Variants in TMCC1 observed in about 807,000 individuals in gnomAD.
TMCC1 encodes transmembrane and coiled-coil domains protein 1.
In TMCC1, 15 loss-of-function variants were observed where a neutral mutation model predicts 52.4. That is an observed-to-expected ratio of 0.29 (90% CI 0.19 to 0.44). The LOEUF is 0.44. TMCC1 is among the 20% of genes least tolerant of loss of function. TMCC1 has a pLI of 1.00. For synonymous variants in TMCC1, 279 were observed against 301.9 expected, an observed-to-expected ratio of 0.92 and a Z score of 0.79; for missense variants, 503 against 806.0, an observed-to-expected ratio of 0.62 and a Z score of 4.55.
chr3:129,723,360 CTTTTTTT>C (rs62761061), intron 4 of TMCC1, among the ~76,000 whole-genome samples: 25 of 105,628 alleles, frequency 2.4e-4, no homozygotes, highest in African/African-American at 4.3e-4. Flanking sequence ...AAATCTTTTT[CTTTTTTT>C]TTTTTTTTTT....
intron 2 of TMCC1, chr3:129,847,361 T>C (rs1392907157): frequency 6.6e-6 from 1 of 152,218 alleles, no homozygotes; most frequent in Non-Finnish European, 1.5e-5. Flanking sequence ...TTTTAAAAAC[T>C]GTTTAAGTCA....
intron 2 of TMCC1, among the ~76,000 whole-genome samples, chr3:129,856,163 AT>A (rs2060138079): frequency 6.6e-6 from 1 of 152,248 alleles, no homozygotes; most frequent in African/African-American, 2.4e-5. Context: ...TTTTAAAAAA[AT>A]ATTAGTGGGG....
intron 5 of TMCC1, among the ~76,000 whole-genome samples, chr3:129,663,881 T>C (rs2087240503): frequency 6.6e-6 from 1 of 152,186 alleles, no homozygotes; most frequent in African/African-American, 2.4e-5. Flanking sequence ...ATATGTTATC[T>C]CCTTTAATAA....
In TMCC1 at chr3:129,655,083, T is replaced by C; in HGVS notation, c.1532A>G (p.Gln511Arg). Residue 511 changes from glutamine (Q) to arginine (R), a missense_variant, in exon 6 of 7, where the codon CAG (glutamine) becomes CGG (arginine). Physicochemically the swap from Gln to Arg is conservative, Grantham distance 43. Coordinates refer to ENST00000393238, the MANE Select transcript of TMCC1 (RefSeq NM_001017395.5). ...ERYRCERLEE[Q>R]LNDLTELHQN... Reference sequence around the variant, plus strand: ...GTGGAGCTCTGTTAGGTCATTTAGCTGTTCTTCCAATCGTTCACATCTAAG... The same window carrying C: ...GTGGAGCTCTGTTAGGTCATTTAGCCGTTCTTCCAATCGTTCACATCTAAG... 1 of 1,614,108 alleles carries C rather than the reference T, an allele frequency of 6.2e-7. No individual in the cohort carries two copies. Among genetic ancestry groups the C allele is most frequent in the Non-Finnish European group, 8.5e-7 (1 of 1,180,012 alleles).
intron 4 of TMCC1, chr3:129,688,051 C>T (rs1473505427): frequency 8.7e-6 from 6 of 691,998 alleles, no homozygotes; most frequent in African/African-American, 7.8e-5. Flanking sequence ...TTCTGGTTCC[C>T]TTGGTCATCC....
In TMCC1 at chr3:129,651,574, G is replaced by A. The variant is rs146125270; in HGVS notation, c.1869C>T (p.Ser623=). ...CAATAAAAACCACAAGGAATAAAGTGCTGAACGTCCTGTTGCGAGTCTTCA... is the reference window on the plus strand; with the variant it reads ...CAATAAAAACCACAAGGAATAAAGTACTGAACGTCCTGTTGCGAGTCTTCA... ...PLMKTRNRTF[S]TLFLVVFIAF... is the part of the protein sequence containing the mutation. The change falls in exon 7 of 7, where the codon AGC becomes AGT. Residue 623 remains serine, a synonymous_variant. Coordinates refer to ENST00000393238, the MANE Select transcript of TMCC1 (RefSeq NM_001017395.5). The surrounding 1 kb of genome is among the most constrained non-coding windows in gnomAD (Gnocchi z 5.1). 48 of 1,614,092 alleles carry A rather than the reference G, an allele frequency of 3.0e-5. No individual in the cohort carries two copies. In the African/African-American group the frequency reaches 5.6e-4, roughly 19 times the overall value.
chr3:129,731,429 T>C (rs2050529424), intron 4 of TMCC1, among the ~76,000 whole-genome samples: 1 of 152,040 alleles, frequency 6.6e-6, no homozygotes, highest in Admixed American at 6.6e-5. Flanking sequence ...AATACAAAAA[T>C]TAGCTAGACA....
intron 4 of TMCC1, 138 bp downstream of exon 4, chr3:129,827,665 T>C (rs2058715132): frequency 9.7e-7 from 1 of 1,026,548 alleles, no homozygotes; most frequent in Non-Finnish European, 1.4e-6. Flanking sequence ...ATTTACCCAT[T>C]TGAAAAGGGG....
chr3:129,702,434 T>C (rs551717934), intron 4 of TMCC1, among the ~76,000 whole-genome samples: 1 of 152,088 alleles, frequency 6.6e-6, no homozygotes, highest in Non-Finnish European at 1.5e-5. Context: ...GTAAAGTAAA[T>C]CATTAAAATT....
chr3:129,866,985 G>C (rs1201597222), intron 2 of TMCC1: 1 of 151,728 alleles, frequency 6.6e-6, no homozygotes, highest in Admixed American at 6.6e-5. Flanking sequence ...CTCACTATAG[G>C]ACAGGAAAAG....
At chr3:129,832,537 T>C (rs1409946175) in intron 3 of TMCC1, among the ~76,000 whole-genome samples, 1 of 152,204 alleles carries the variant, frequency 6.6e-6, no homozygotes, top group Non-Finnish European at 1.5e-5. Flanking sequence ...AGAAAACAAG[T>C]TGTTCTAAAT....
At chr3:129,791,088 ATTTTTTTT>A (rs34048545) in intron 4 of TMCC1, among the ~76,000 whole-genome samples, 23 of 82,978 alleles carry the variant, frequency 2.8e-4, no homozygotes, top group East Asian at 2.0e-3. Context: ...ACACTCCATA[ATTTTTTTT>A]TTTTTTTTTT....
rs761239530 is a variant in TMCC1, at chr3:129,655,108, G to C, written c.1512-5C>G. The C allele has an allele frequency of 3.1e-6, 5 of 1,601,088 alleles. No homozygotes were observed. Among genetic ancestry groups the C allele is most frequent in the East Asian group, 4.5e-5 (2 of 44,808 alleles). On this transcript the variant is annotated splice_region_variant and splice_polypyrimidine_tract_variant and intron_variant, in intron 5 of 6. Transcript: ENST00000393238. Reference sequence around the variant, plus strand: ...TGTTCTTCCAATCGTTCACATCTAAGGAGAAAAAAAAAGTTTAGAATTTTA... The same window carrying C: ...TGTTCTTCCAATCGTTCACATCTAACGAGAAAAAAAAAGTTTAGAATTTTA...
intron 1 of TMCC1, among the ~76,000 whole-genome samples, chr3:129,889,550 G>C (rs1379402210): frequency 1.3e-5 from 2 of 152,166 alleles, no homozygotes; most frequent in African/African-American, 4.8e-5. Context: ...AATAATATGG[G>C]AAACAGTGTA....
intron 2 of TMCC1, among the ~76,000 whole-genome samples, chr3:129,859,860 T>C (rs2060308473): frequency 6.6e-6 from 1 of 152,156 alleles, no homozygotes; most frequent in South Asian, 2.1e-4. Flanking sequence ...AATAAATATA[T>C]GTTTAAACTT....
chr3:129,728,363 G>A (rs2050274339), intron 4 of TMCC1, among the ~76,000 whole-genome samples: 1 of 152,128 alleles, frequency 6.6e-6, no homozygotes, highest in Admixed American at 6.5e-5. Context: ...TTGACTCACT[G>A]CAACCTCCGC....
At chr3:129,715,644 T>C (rs922473687) in intron 4 of TMCC1, among the ~76,000 whole-genome samples, 1 of 152,212 alleles carries the variant, frequency 6.6e-6, no homozygotes, top group Admixed American at 6.5e-5. Context: ...ATTCCTTATT[T>C]TCCTGTTAAA....
intron 4 of TMCC1, among the ~76,000 whole-genome samples, chr3:129,724,996 A>G (rs2049958599): frequency 6.6e-6 from 1 of 152,264 alleles, no homozygotes; most frequent in African/African-American, 2.4e-5. Context: ...CATATAGCTT[A>G]CTAATATTGG....
chr3:129,796,033 G>A (rs1215519961), intron 4 of TMCC1, among the ~76,000 whole-genome samples: 2 of 152,122 alleles, frequency 1.3e-5, no homozygotes, highest in African/African-American at 2.4e-5. Flanking sequence ...ACAGATATGT[G>A]TATAGGAAAA....
Sources: gnomAD v4.1 joint callset for allele counts (sites outside exome capture counted in the v4.1 genomes callset) on GRCh38, gnomAD v4.1.1 for gene constraint, Gnocchi (gnomAD v3.1) non-coding constraint, MANE v1.5 for transcripts, NCBI Gene and HGNC (gene_info 2026-07-23, HGNC 2026-07-21) for gene names.